The following C1R variants were observed in gnomAD, a reference collection of about 807,000 sequenced individuals.
The protein encoded by C1R is complement C1r, also known as complement C1r subcomponent.
A neutral mutation model predicts 27.6 loss-of-function variants in C1R; 15 were observed. The observed-to-expected ratio is 0.54, with a 90% CI of 0.36 to 0.84. The LOEUF (loss-of-function observed/expected upper bound fraction) is 0.84, where lower values mean the gene tolerates loss of function less well. C1R is among the 40% of genes least tolerant of loss of function. C1R has a pLI of 0.01. For missense variants in C1R, 544 were observed against 577.9 expected (o/e 0.94, Z 0.60); for synonymous variants, 253 against 228.8 (o/e 1.11, Z -0.95).
Position 7,091,869 on chromosome 12 carries a change from C to T in C1R, c.3-189G>A, listed in dbSNP as rs543332428. ...AGGATGGCCTGTGCAGCTGCTGCAT[C>T]GGGTCACTCTCCAGGGCAGTGTCCA... On this transcript the variant is annotated intron_variant, in intron 1 of 10. Coordinates refer to ENST00000647956, the MANE Select transcript of C1R (RefSeq NM_001733.7). The surrounding 1 kb of genome is among the most constrained non-coding windows in gnomAD (Gnocchi z 5.1). 2.9e-6 allele frequency: 2 copies of T among 695,590 alleles called. No individual in the cohort carries two copies. Among genetic ancestry groups the T allele is most frequent in the African/African-American group, 1.7e-5 (1 of 57,196 alleles). 43.1% of individuals were successfully genotyped at this position (695,590 alleles called of 1,614,324 possible).
In C1R at chr12:7,080,362, T is replaced by C; in HGVS notation, c.*170A>G. The C allele has an allele frequency of 1.5e-6, 2 of 1,347,906 alleles. No individual in the cohort carries two copies. Among genetic ancestry groups the C allele is most frequent in the Non-Finnish European group, 9.5e-7 (1 of 1,054,424 alleles). The allele number at this position is 1,347,906 out of a possible 1,614,324, so 83.5% of individuals were successfully genotyped here. ...AGAAAGAAAGGGGCCCTTTGGGTTG[T>C]TTCAGGTAAAGTACATCAATGGGAC... On this transcript the variant is annotated 3_prime_UTR_variant, in exon 11 of 11. Transcript: ENST00000647956. This position sits in a 1 kb window ranked among gnomAD's most constrained non-coding sequence, Gnocchi z 4.9.
At chr12:7,085,008 ATGG>A (rs1376460293) in intron 9 of C1R, among the ~76,000 whole-genome samples, 1 of 122,672 alleles carries the variant, frequency 8.2e-6, no homozygotes, top group Non-Finnish European at 1.7e-5. Flanking sequence ...GGTGGTGGTG[ATGG>A]TGGTGTTGGT....
chr12:7,088,875 C>T lies in C1R; in HGVS notation c.880G>A (p.Asp294Asn), dbSNP rs200899486. 129 of 776,878 alleles carry T rather than the reference C, an allele frequency of 1.7e-4. No homozygotes were observed. Among genetic ancestry groups the T allele is most frequent in the Non-Finnish European group, 2.8e-4 (115 of 416,770 alleles). 48.1% of individuals were successfully genotyped at this position (776,878 alleles called of 1,614,324 possible). A position where few individuals can be genotyped will look rare whatever the true frequency, so the allele number is the denominator to read the frequency against. ...DLLFFTDESG[D>N]SRGWKLRYTT... Reference sequence around the variant, plus strand: ...TAGCGCAGCTTCCAGCCCCGGCTGTCCCCCGACTCATCTGTGAAGAACAGC... The same window carrying T: ...TAGCGCAGCTTCCAGCCCCGGCTGTTCCCCGACTCATCTGTGAAGAACAGC... Residue 294 changes from aspartate (D) to asparagine (N), a missense_variant, in exon 6 of 11, where the codon GAC becomes AAC. Asp to Asn is a conservative substitution (Grantham distance 23). Around this residue, in one of 2 missense-constraint regions of C1R, gnomAD observed 291 missense variants for 209.0 expected, o/e 1.39. Coordinates refer to ENST00000647956, the MANE Select transcript of C1R (RefSeq NM_001733.7).
intron 9 of C1R, among the ~76,000 whole-genome samples, chr12:7,085,507 G>A (rs2135740821): frequency 6.6e-6 from 1 of 152,088 alleles, no homozygotes; most frequent in Non-Finnish European, 1.5e-5. Context: ...TGGCGGTGAT[G>A]GTGGTGATTG....
Position 7,091,964 on chromosome 12 carries a change from C to T in C1R, c.3-284G>A, listed in dbSNP as rs1191734152. ...CTCCCCTGCCCGGACGCGTCCCTCC[C>T]CTCCCCTTCCAGGAATAGGACTGGC... is the stretch of plus-strand genomic sequence containing the variant. On this transcript the variant is annotated intron_variant, in intron 1 of 10. Transcript: ENST00000647956. This position sits in a 1 kb window ranked among gnomAD's most constrained non-coding sequence, Gnocchi z 5.1. The T allele has an allele frequency of 6.5e-6, 4 of 612,280 alleles. No homozygotes were observed. Among genetic ancestry groups the T allele is most frequent in the Non-Finnish European group, 1.2e-5 (4 of 332,288 alleles). 37.9% of individuals were successfully genotyped at this position (612,280 alleles called of 1,614,324 possible).
At chr12:7,086,301 C>T (rs1038345214) in intron 8 of C1R, 78 bp downstream of exon 8, 1 of 397,986 alleles carries the variant, frequency 2.5e-6, no homozygotes, top group African/African-American at 2.1e-5. Context: ...AGTCTGGACC[C>T]CTCTTTCTTT....
At chr12:7,081,373 A>C (rs1938060522) in intron 10 of C1R, 72 bp from the exon 11 acceptor site, 1 of 1,412,130 alleles carries the variant, frequency 7.1e-7, no homozygotes, top group Admixed American at 1.9e-5. Context: ...GCAGCCAGCC[A>C]GCTCCCTGTT....
At position 7,080,600 on chromosome 12, in the gene C1R, AGCCCCT is replaced by A; in HGVS notation, c.2044_2049del (p.Arg682_Gly683del). 1 of 1,612,198 alleles carries A rather than the reference AGCCCCT, an allele frequency of 6.2e-7. No individual in the cohort carries two copies. ...TTGAGCACTTTGGTGTAGAAGCCAT[AGCCCCT>A]GCTGCACCCGATGCCCCAGGACACG... On this transcript the variant is annotated inframe_deletion, in exon 11 of 11. Coordinates refer to ENST00000647956, the MANE Select transcript of C1R (RefSeq NM_001733.7). This position sits in a 1 kb window ranked among gnomAD's most constrained non-coding sequence, Gnocchi z 4.9.
At chr12:7,082,488 T>A (rs371197272) in intron 9 of C1R, among the ~76,000 whole-genome samples, 15 of 152,060 alleles carry the variant, frequency 9.9e-5, no homozygotes, top group Non-Finnish European at 4.4e-5. Flanking sequence ...CCCGCCACCA[T>A]GCCCGGCTAA....
At chr12:7,084,665 G>C (rs1268561528) in intron 9 of C1R, among the ~76,000 whole-genome samples, 3,628 of 106,718 alleles carry the variant, frequency 0.034, 305 homozygotes, top group African/African-American at 0.13. Flanking sequence ...TGGTGATGGT[G>C]TTGGTAATGG....
Position 7,088,933 on chromosome 12 carries a change from G to A in C1R, c.822C>T (p.Pro274=), listed in dbSNP as rs988007586. Residue 274 remains proline (P), a synonymous_variant, in exon 6 of 11, where the codon CCC becomes CCT. Coordinates refer to ENST00000647956, the MANE Select transcript of C1R (RefSeq NM_001733.7). The stretch of plus-strand genomic sequence containing the variant: ...CAGCATTGCTGCTGGTGTCGAGGTC[G>A]GGGGGCCTTTGCTTCCCACAGAACT... The part of the protein sequence containing the change: ...IGEFCGKQRP[P]DLDTSSNAVD... The A allele has an allele frequency of 1.2e-5, 9 of 761,044 alleles. No homozygotes were observed. The highest frequency in any genetic ancestry group is 4.9e-5 in the East Asian group (2 of 40,474). 47.1% of individuals were successfully genotyped at this position (761,044 alleles called of 1,614,324 possible). A position where few individuals can be genotyped will look rare whatever the true frequency, so the allele number is the denominator to read the frequency against.
intron 1 of C1R, 63 bp downstream of exon 1, chr12:7,092,324 C>G (rs1209015193): frequency 1.3e-6 from 1 of 780,420 alleles, no homozygotes; most frequent in Non-Finnish European, 2.4e-6. Flanking sequence ...TGAATTGCCT[C>G]CCATGCCCTG....
intron 7 of C1R, 189 bp from the exon 8 acceptor site, chr12:7,086,646 C>T (rs1048151035): frequency 2.6e-6 from 1 of 384,194 alleles, no homozygotes; most frequent in Admixed American, 4.5e-5. Flanking sequence ...CCATTACAGA[C>T]AGGAGCATTG....
rs1421930280 is a variant in C1R, at chr12:7,088,945, C to T, written c.810G>A (p.Lys270=). The T allele has an allele frequency of 7.9e-6, 6 of 756,432 alleles. No individual in the cohort carries two copies. Among genetic ancestry groups the T allele is most frequent in the Non-Finnish European group, 1.2e-5 (5 of 406,326 alleles). The allele number at this position is 756,432 out of a possible 1,614,324, so 46.9% of individuals were successfully genotyped here. ...NGKNIGEFCG[K]QRPPDLDTSS... ...TGGTGTCGAGGTCGGGGGGCCTTTG[C>T]TTCCCACAGAACTCGCCAATGTTCT... is the stretch of plus-strand genomic sequence containing the variant. Residue 270 remains lysine (K), a synonymous_variant, in exon 6 of 11, where the codon AAG becomes AAA. Transcript: ENST00000647956.
Position 7,088,748 on chromosome 12 carries a change from G to A in C1R, c.917-17C>T, listed in dbSNP as rs2135742846. Reference sequence around the variant, plus strand: ...ACTTGATGACTGTTGGGGAGACCAGGGGGCATATTTATTTCAGAGCCACTT... The same window carrying A: ...ACTTGATGACTGTTGGGGAGACCAGAGGGCATATTTATTTCAGAGCCACTT... On this transcript the variant is annotated splice_polypyrimidine_tract_variant and intron_variant, in intron 6 of 10. Coordinates refer to ENST00000647956, the MANE Select transcript of C1R (RefSeq NM_001733.7). The A allele has an allele frequency of 1.3e-6, 1 of 777,458 alleles. No individual in the cohort carries two copies. The highest frequency in any genetic ancestry group is 2.3e-4 in the Middle Eastern group (1 of 4,442). The allele number at this position is 777,458 out of a possible 1,614,324, so 48.2% of individuals were successfully genotyped here.
In C1R at chr12:7,080,353, T is replaced by C; in HGVS notation, c.*179A>G. 7.5e-7 allele frequency: 1 copy of C among 1,339,500 alleles called. No individual in the cohort carries two copies. Among genetic ancestry groups the C allele is most frequent in the Non-Finnish European group, 9.5e-7 (1 of 1,049,814 alleles). 83.0% of individuals were successfully genotyped at this position (1,339,500 alleles called of 1,614,324 possible). On this transcript the variant is annotated 3_prime_UTR_variant, in exon 11 of 11. Transcript: ENST00000647956. This position sits in a 1 kb window ranked among gnomAD's most constrained non-coding sequence, Gnocchi z 4.9. ...ATCCTCAGAAGAAAGAAAGGGGCCC[T>C]TTGGGTTGTTTCAGGTAAAGTACAT...
chr12:7,085,069 TAGTGG>T (rs1271052033), intron 9 of C1R, among the ~76,000 whole-genome samples: 16 of 137,988 alleles, frequency 1.2e-4, no homozygotes, highest in Middle Eastern at 3.3e-3. Flanking sequence ...TTGGTAATGA[TAGTGG>T]TGATGGTGGT....
chr12:7,081,412 T>C (rs1385882536), intron 10 of C1R, 111 bp from the exon 11 acceptor site: 2 of 912,392 alleles, frequency 2.2e-6, no homozygotes, highest in Non-Finnish European at 3.5e-6. Context: ...TCTGTCTCTT[T>C]TCTCTTTCTC....
intron 9 of C1R, among the ~76,000 whole-genome samples, chr12:7,084,987 T>C (rs904011696): frequency 5.5e-5 from 8 of 144,222 alleles, no homozygotes; most frequent in East Asian, 4.1e-4. Flanking sequence ...GATGATGGTG[T>C]TGGTGGTGAT....
Sources: allele counts gnomAD v4.1 joint callset (sites outside exome capture counted in the v4.1 genomes callset), GRCh38; gene constraint gnomAD v4.1.1; regional missense constraint gnomAD v4.1.1; non-coding constraint Gnocchi (gnomAD v3.1); transcripts MANE v1.5; gene names NCBI Gene and HGNC (gene_info 2026-07-23, HGNC 2026-07-21).